The following XRN2 variants were observed in gnomAD, a reference collection of about 807,000 sequenced individuals.
XRN2 encodes DHM1-like protein.
Under a neutral mutation model 138.5 loss-of-function variants are expected in XRN2, and 44 were observed. The ratio of observed to expected loss-of-function variants is 0.32; its 90% confidence interval spans 0.25 to 0.41. The LOEUF is 0.41. Among genes scored for constraint, XRN2 ranks in the 10% least tolerant of loss-of-function variants. The pLI is 1.00. For missense variants in XRN2, 937 were observed against 1,169.3 expected (o/e 0.80, Z 2.90); for synonymous variants, 354 against 369.4 (o/e 0.96, Z 0.48).
chr20:21,351,060 TAAA>T (rs1302815643), intron 20 of XRN2, among the ~76,000 whole-genome samples: 3 of 152,208 alleles, frequency 2.0e-5, no homozygotes, highest in Admixed American at 6.5e-5. Flanking sequence ...TTGTGTTTGT[TAAA>T]TAAGTAAATT....
chr20:21,326,238 C>A, intron 1 of XRN2, 41 bp from the exon 2 acceptor site: 1 of 1,593,958 alleles, frequency 6.3e-7, no homozygotes. Flanking sequence ...CATTTTTAGA[C>A]TTGAACAATC....
At chr20:21,341,759 T>C (rs2122236183) in intron 15 of XRN2, among the ~76,000 whole-genome samples, 1 of 152,358 alleles carries the variant, frequency 6.6e-6, no homozygotes, top group East Asian at 1.9e-4. Flanking sequence ...AAATAGCTGA[T>C]GCCCATCATT....
intron 24 of XRN2, among the ~76,000 whole-genome samples, chr20:21,360,056 A>G (rs748464313): frequency 3.3e-5 from 5 of 152,194 alleles, no homozygotes; most frequent in Non-Finnish European, 5.9e-5. Flanking sequence ...ACAGACCCTT[A>G]GAGAATATAG....
intron 1 of XRN2, among the ~76,000 whole-genome samples, chr20:21,319,693 A>G (rs1461943179): frequency 2.0e-5 from 3 of 152,096 alleles, no homozygotes; most frequent in Admixed American, 6.5e-5. Context: ...CTTTACTGCT[A>G]TATAGTTCAG....
chr20:21,304,299 CCTT>C (rs1355105599), intron 1 of XRN2, among the ~76,000 whole-genome samples: 2 of 150,068 alleles, frequency 1.3e-5, no homozygotes, highest in Admixed American at 6.6e-5. Context: ...GTACCTCACT[CCTT>C]AGTTTTTGAA....
intron 28 of XRN2, among the ~76,000 whole-genome samples, chr20:21,382,791 A>G (rs757614183): frequency 6.6e-6 from 1 of 152,248 alleles, no homozygotes; most frequent in Non-Finnish European, 1.5e-5. Flanking sequence ...AACTAGGCAC[A>G]TTATGAATAA....
chr20:21,333,100 T>C (rs916074231), intron 9 of XRN2, among the ~76,000 whole-genome samples: 1 of 152,182 alleles, frequency 6.6e-6, no homozygotes, highest in Admixed American at 6.5e-5. Context: ...ATTTCAGATA[T>C]GTAATACAAT....
intron 28 of XRN2, among the ~76,000 whole-genome samples, chr20:21,383,547 C>G (rs2038908212): frequency 6.6e-6 from 1 of 152,166 alleles, no homozygotes. Flanking sequence ...TTGTGCCATT[C>G]TTTACCAAGA....
chr20:21,354,546 GA>G (rs1396625138), intron 20 of XRN2, among the ~76,000 whole-genome samples: 1 of 152,064 alleles, frequency 6.6e-6, no homozygotes, highest in Non-Finnish European at 1.5e-5. Flanking sequence ...TTAAGATTCA[GA>G]AAACATGATT....
At chr20:21,367,142 GT>G (rs1438999192) in intron 26 of XRN2, among the ~76,000 whole-genome samples, 1 of 152,046 alleles carries the variant, frequency 6.6e-6, no homozygotes, top group Non-Finnish European at 1.5e-5. Context: ...CTTTTAATAT[GT>G]TTATTAGTAA....
intron 1 of XRN2, among the ~76,000 whole-genome samples, chr20:21,315,610 A>G (rs1175186630): frequency 3.9e-5 from 6 of 152,088 alleles, no homozygotes; most frequent in Non-Finnish European, 7.4e-5. Context: ...CTCCCACCTC[A>G]GCCTCCTGAG....
At chr20:21,321,044 C>G (rs1053534331) in intron 1 of XRN2, among the ~76,000 whole-genome samples, 2 of 151,784 alleles carry the variant, frequency 1.3e-5, no homozygotes, top group African/African-American at 4.8e-5. Context: ...GAGACAGGGT[C>G]TCACTCTGTT....
intron 1 of XRN2, among the ~76,000 whole-genome samples, chr20:21,323,972 C>T (rs2038084025): frequency 2.0e-5 from 3 of 152,090 alleles, no homozygotes; most frequent in Non-Finnish European, 2.9e-5. Flanking sequence ...TCCTGGAGGG[C>T]ACAAAGAATG....
chr20:21,334,294 G>A (rs901004717), intron 13 of XRN2, 109 bp downstream of exon 13: 95 of 849,014 alleles, frequency 1.1e-4, no homozygotes, highest in Middle Eastern at 3.6e-4. Flanking sequence ...TCATTATGGT[G>A]TGTCAACACT....
At chr20:21,328,894 G>A (rs1477401366) in intron 4 of XRN2, among the ~76,000 whole-genome samples, 1 of 152,180 alleles carries the variant, frequency 6.6e-6, no homozygotes, top group Non-Finnish European at 1.5e-5. Context: ...TGGGAATAGG[G>A]AATTCTGGTG....
chr20:21,347,221 C>T (rs1227205859), intron 17 of XRN2, among the ~76,000 whole-genome samples: 2 of 152,146 alleles, frequency 1.3e-5, no homozygotes, highest in Non-Finnish European at 2.9e-5. Context: ...AGGACAAACC[C>T]TGGAAAATAC....
chr20:21,325,625 A>G (rs116188336), intron 1 of XRN2, among the ~76,000 whole-genome samples: 123 of 152,334 alleles, frequency 8.1e-4, no homozygotes, highest in African/African-American at 2.8e-3. Flanking sequence ...GAGAGATCAA[A>G]AGGCATTTTC....
intron 4 of XRN2, among the ~76,000 whole-genome samples, chr20:21,329,856 G>GGTGTGTGTGTGTGTGT (rs60020864): frequency 2.7e-5 from 4 of 145,912 alleles, no homozygotes; most frequent in Non-Finnish European, 4.5e-5. Context: ...GCCTCTAACT[G>GGTGTGTGTGTGTGTGT]GTGTGTGTGT....
intron 27 of XRN2, among the ~76,000 whole-genome samples, chr20:21,370,444 A>T (rs1190181724): frequency 6.6e-6 from 1 of 152,214 alleles, no homozygotes; most frequent in African/African-American, 2.4e-5. Context: ...AGGCAAAAAA[A>T]AGTATGAGGA....
Sources: allele counts gnomAD v4.1 joint callset (sites outside exome capture counted in the v4.1 genomes callset), GRCh38; gene constraint gnomAD v4.1.1; transcripts MANE v1.5; gene names NCBI Gene and HGNC (gene_info 2026-07-23, HGNC 2026-07-21).